The following ARMC3 variants were observed in gnomAD, a reference collection of about 807,000 sequenced individuals.
ARMC3 encodes armadillo repeat-containing protein 3.
ARMC3 carries 74 observed loss-of-function variants against 90.3 expected under a neutral mutation model. That is an observed-to-expected ratio of 0.82 (90% CI 0.68 to 0.99). The LOEUF (loss-of-function observed/expected upper bound fraction) is 0.99. ARMC3 is among the 50% of genes least tolerant of loss of function. The pLI is 0.00. For synonymous variants in ARMC3, 334 were observed against 361.8 expected (o/e 0.92, Z 0.87); for missense variants, 958 against 1,042.8 (o/e 0.92, Z 1.12).
At chr10:22,989,508 T>C (rs944171654) in intron 10 of ARMC3, among the ~76,000 whole-genome samples, 1 of 152,218 alleles carries the variant, frequency 6.6e-6, no homozygotes, top group African/African-American at 2.4e-5. Flanking sequence ...TTCTTATTTA[T>C]ATCACTTTGT....
chr10:22,993,064 A>T (rs563907429), intron 10 of ARMC3, among the ~76,000 whole-genome samples: 2 of 152,350 alleles, frequency 1.3e-5, no homozygotes, highest in Admixed American at 6.5e-5. Context: ...CTTATTGCCA[A>T]TATCACCATC....
At chr10:22,969,898 C>G (rs80231025) in intron 8 of ARMC3, among the ~76,000 whole-genome samples, 47 of 152,240 alleles carry the variant, frequency 3.1e-4, no homozygotes, top group Non-Finnish European at 4.6e-4. Flanking sequence ...GCCTACCCAT[C>G]ATGTGCCACA....
intron 1 of ARMC3, among the ~76,000 whole-genome samples, chr10:22,928,586 T>G (rs1345364974): frequency 1.2e-4 from 18 of 152,220 alleles, no homozygotes; most frequent in Admixed American, 1.2e-3. Flanking sequence ...TCCAATGCCC[T>G]GAAGTTTTCA....
intron 2 of ARMC3, among the ~76,000 whole-genome samples, chr10:22,940,226 G>T (rs1834272784): frequency 6.6e-6 from 1 of 152,160 alleles, no homozygotes; most frequent in Non-Finnish European, 1.5e-5. Flanking sequence ...TTTTTTAATG[G>T]TCCTAAGTGT....
At chr10:22,929,172 G>T (rs1833828271) in intron 1 of ARMC3, among the ~76,000 whole-genome samples, 1 of 151,582 alleles carries the variant, frequency 6.6e-6, no homozygotes, top group African/African-American at 2.4e-5. Context: ...GTTGCAATGA[G>T]CCAAGATCAG....
At chr10:22,998,615 T>C (rs78117107) in intron 11 of ARMC3, among the ~76,000 whole-genome samples, 4,509 of 152,324 alleles carry the variant, frequency 0.03, 106 homozygotes, top group Middle Eastern at 0.068. Flanking sequence ...TTTCTAAGTA[T>C]ATACCTAAGA....
chr10:22,977,934 C>T (rs1389563951), intron 8 of ARMC3, among the ~76,000 whole-genome samples: 1 of 152,224 alleles, frequency 6.6e-6, no homozygotes, highest in Non-Finnish European at 1.5e-5. Flanking sequence ...TCTGATCTGC[C>T]TTAGCCATGA....
chr10:22,969,283 A>G (rs547435641), intron 8 of ARMC3, among the ~76,000 whole-genome samples: 1 of 152,360 alleles, frequency 6.6e-6, no homozygotes, highest in South Asian at 2.1e-4. Context: ...TTACAGCACA[A>G]GCACAGATGA....
In ARMC3 at chr10:23,029,459, T is replaced by C. The variant is rs1250184984; in HGVS notation, c.2046-1137T>C. ...TGAAGTATGCTTACTCCACATTACC[T>C]GGAATAAGAACCCATGCTATTGTTT... is the stretch of plus-strand genomic sequence containing the variant. On this transcript the variant is annotated intron_variant, in intron 16 of 18. Coordinates refer to ENST00000298032, the MANE Select transcript of ARMC3 (RefSeq NM_173081.5). 3.3e-5 allele frequency among the ~76,000 whole-genome samples: 5 copies of C among 152,192 alleles called. No homozygotes were observed. The East Asian group carries it at 9.6e-4, about 29-fold the overall frequency.
At chr10:23,001,623 C>T (rs1027385355) in intron 11 of ARMC3, among the ~76,000 whole-genome samples, 3 of 152,112 alleles carry the variant, frequency 2.0e-5, no homozygotes, top group Non-Finnish European at 2.9e-5. Context: ...GAATAAGCAT[C>T]GGGCATCCCA....
rs545596618 is a variant in ARMC3 at position 23,005,875 on chromosome 10, A to G, written c.1732-1009A>G. On this transcript the variant is annotated intron_variant, in intron 13 of 18. Coordinates refer to ENST00000298032, the MANE Select transcript of ARMC3 (RefSeq NM_173081.5). The stretch of plus-strand genomic sequence containing the variant: ...CTAGACTCCATCTCAAAAAAGGGGG[A>G]AAAAAAAAAGAAATGAGAGGTGCCA... 1.2e-4 allele frequency among the ~76,000 whole-genome samples: 17 copies of G among 142,902 alleles called. No individual in the cohort carries two copies. The East Asian group carries it at 1.8e-3, about 15-fold the overall frequency. 93.7% of individuals were successfully genotyped at this position (142,902 alleles called of 152,430 possible).
intron 2 of ARMC3, among the ~76,000 whole-genome samples, chr10:22,944,164 A>C (rs536122542): frequency 6.6e-6 from 1 of 152,328 alleles, no homozygotes; most frequent in African/African-American, 2.4e-5. Flanking sequence ...CTAGCCAGAC[A>C]TAAAATTCCA....
intron 10 of ARMC3, among the ~76,000 whole-genome samples, chr10:22,988,003 A>G (rs1836534420): frequency 6.6e-6 from 1 of 152,204 alleles, no homozygotes; most frequent in Admixed American, 6.5e-5. Flanking sequence ...ATGAAATTGT[A>G]AGCAGTACAC....
At chr10:23,022,533 C>T (rs1036869375) in intron 16 of ARMC3, among the ~76,000 whole-genome samples, 1 of 152,206 alleles carries the variant, frequency 6.6e-6, no homozygotes, top group Non-Finnish European at 1.5e-5. Flanking sequence ...TATGTTCCCT[C>T]ATCTAACAGA....
intron 16 of ARMC3, among the ~76,000 whole-genome samples, chr10:23,027,912 A>C (rs1838779007): frequency 6.6e-6 from 1 of 152,122 alleles, no homozygotes; most frequent in Non-Finnish European, 1.5e-5. Context: ...AGGCCAAGGC[A>C]GGAGTTTCGC....
chr10:22,975,643 T>C (rs148501812), intron 8 of ARMC3, among the ~76,000 whole-genome samples: 31 of 152,290 alleles, frequency 2.0e-4, no homozygotes, highest in Admixed American at 3.9e-4. Context: ...ATTTTGCATA[T>C]ATGATTTTTT....
chr10:23,033,480 C>T (rs1031576438), intron 18 of ARMC3, among the ~76,000 whole-genome samples: 2 of 151,932 alleles, frequency 1.3e-5, no homozygotes, highest in African/African-American at 2.4e-5. Flanking sequence ...GGAAAACAAG[C>T]GTATACTAAA....
intron 16 of ARMC3, among the ~76,000 whole-genome samples, chr10:23,026,257 T>C (rs550120136): frequency 6.6e-6 from 1 of 152,232 alleles, no homozygotes; most frequent in South Asian, 2.1e-4. Context: ...ATTAGGTTAC[T>C]CTAGTGCCAA....
intron 3 of ARMC3, among the ~76,000 whole-genome samples, chr10:22,954,864 A>G (rs1834865294): frequency 6.6e-6 from 1 of 152,120 alleles, no homozygotes; most frequent in Admixed American, 6.6e-5. Context: ...ATTGACTCAC[A>G]TGATTGTGGA....
Sources: gnomAD v4.1 joint callset for allele counts (sites outside exome capture counted in the v4.1 genomes callset) on GRCh38, gnomAD v4.1.1 for gene constraint, MANE v1.5 for transcripts, NCBI Gene and HGNC (gene_info 2026-07-23, HGNC 2026-07-21) for gene names.